PTN: variants seen among roughly 807,000 people sequenced by gnomAD.
PTN encodes pleiotrophin.
PTN carries 18 observed loss-of-function variants against 24.1 expected under a neutral mutation model. The ratio of observed to expected loss-of-function variants is 0.75; its 90% CI spans 0.52 to 1.11. PTN has a LOEUF of 1.11. Among genes scored for constraint, PTN ranks in the 50% least tolerant of loss-of-function variants. The pLI is 0.00. For synonymous variants in PTN, 78 were observed against 68.6 expected (o/e 1.14, Z -0.67); for missense variants, 163 against 198.8 (o/e 0.82, Z 1.08).
chr7:137,230,567 C>T (rs910932459), intron 4 of PTN, among the ~76,000 whole-genome samples: 5 of 151,622 alleles, frequency 3.3e-5, no homozygotes, highest in Non-Finnish European at 7.4e-5. Context: ...TTTTACATAA[C>T]AAAGTGTTCA....
At chr7:137,331,816 A>G (rs147458663) in intron 1 of PTN, among the ~76,000 whole-genome samples, 2 of 152,306 alleles carry the variant, frequency 1.3e-5, no homozygotes, top group Non-Finnish European at 2.9e-5. Flanking sequence ...CTTTAGGGCA[A>G]GAAAGAAAGA....
chr7:137,231,471 C>G (rs550475161), intron 4 of PTN, among the ~76,000 whole-genome samples: 1 of 151,988 alleles, frequency 6.6e-6, no homozygotes, highest in Non-Finnish European at 1.5e-5. Flanking sequence ...CACAGACACT[C>G]TCATTGTGCC....
intron 1 of PTN, among the ~76,000 whole-genome samples, chr7:137,342,446 T>C (rs1279080620): frequency 6.6e-6 from 1 of 152,118 alleles, no homozygotes; most frequent in Non-Finnish European, 1.5e-5. Context: ...TCTGAATGTG[T>C]CCCCAAACTT....
chr7:137,327,412 T>G (rs1172759972), intron 1 of PTN, among the ~76,000 whole-genome samples: 1 of 152,098 alleles, frequency 6.6e-6, no homozygotes, highest in Non-Finnish European at 1.5e-5. Context: ...GCCCCTCTGT[T>G]TTCTGTCTCT....
intron 4 of PTN, among the ~76,000 whole-genome samples, chr7:137,235,634 T>G (rs1434159848): frequency 1.3e-5 from 2 of 152,150 alleles, no homozygotes; most frequent in Admixed American, 1.3e-4. Context: ...CATTTCCTCT[T>G]TTATGGACTC....
rs544241611 is a variant in PTN at position 137,253,587 on chromosome 7, C to A, written c.166G>T (p.Val56Leu). The A allele has an allele frequency of 6.2e-7, 1 of 1,602,002 alleles. No individual in the cohort carries two copies. Residue 56 changes from valine (V) to leucine (L), a missense_variant, in exon 3 of 5, where the codon GTG becomes TTG. Coordinates refer to ENST00000348225, the MANE Select transcript of PTN (RefSeq NM_002825.7). ...AGCCCACAGTCTCCACTGGTGGGCA[C>A]ACACACACTCCACTGCCATTCTCCA... ...DCGEWQWSVC[V>L]PTSGDCGLGT...
intron 4 of PTN, among the ~76,000 whole-genome samples, chr7:137,229,929 G>T (rs2128866982): frequency 6.6e-6 from 1 of 151,788 alleles, no homozygotes; most frequent in Admixed American, 6.6e-5. Flanking sequence ...ATATTAGGAT[G>T]GTATCTTCAG....
chr7:137,306,064 C>G (rs966210457), intron 1 of PTN, among the ~76,000 whole-genome samples: 1 of 152,086 alleles, frequency 6.6e-6, no homozygotes, highest in Non-Finnish European at 1.5e-5. Context: ...AAAGTGGATT[C>G]AACTCATTTT....
intron 1 of PTN, among the ~76,000 whole-genome samples, chr7:137,286,976 C>T (rs1280826079): frequency 6.6e-6 from 1 of 152,186 alleles, no homozygotes; most frequent in Admixed American, 6.5e-5. Context: ...GATTGCATAA[C>T]TTACTCCCAA....
intron 1 of PTN, among the ~76,000 whole-genome samples, chr7:137,301,335 C>T (rs1164153199): frequency 9.9e-5 from 15 of 151,882 alleles, no homozygotes; most frequent in Non-Finnish European, 1.9e-4. Flanking sequence ...ACAGCGTAGG[C>T]TCCTCATAGC....
Position 137,251,218 on chromosome 7 carries a change from G to T in PTN, c.451+12C>A. ...AATCCATTAAAATTGTGGTATAATG[G>T]CAAGGACTTACCTTGAGGTTTGGGC... On this transcript the variant is annotated intron_variant, in intron 4 of 4. Coordinates refer to ENST00000348225, the MANE Select transcript of PTN (RefSeq NM_002825.7). 1 of 1,613,402 alleles carries T rather than the reference G, an allele frequency of 6.2e-7. No individual in the cohort carries two copies. The highest frequency in any genetic ancestry group is 8.5e-7 in the Non-Finnish European group (1 of 1,179,388).
chr7:137,282,531 TAGTC>T (rs985762860), intron 1 of PTN, among the ~76,000 whole-genome samples: 1 of 152,162 alleles, frequency 6.6e-6, no homozygotes, highest in African/African-American at 2.4e-5. Context: ...ACAGCCATGA[TAGTC>T]AGAGCAGCCA....
intron 1 of PTN, chr7:137,325,903 T>G (rs147857773): frequency 6.6e-6 from 1 of 152,178 alleles, no homozygotes; most frequent in Non-Finnish European, 1.5e-5. Context: ...TCCATGTGCA[T>G]GTGAAATGTC....
intron 1 of PTN, among the ~76,000 whole-genome samples, chr7:137,314,835 C>T (rs978826038): frequency 1.3e-5 from 2 of 151,992 alleles, no homozygotes; most frequent in Non-Finnish European, 2.9e-5. Flanking sequence ...CCTCATGATC[C>T]GCCCGCCTCG....
At chr7:137,259,277 G>A (rs112231401) in intron 1 of PTN, among the ~76,000 whole-genome samples, 1 of 152,046 alleles carries the variant, frequency 6.6e-6, no homozygotes, top group African/African-American at 2.4e-5. Context: ...TTTCAAGATG[G>A]TAATATCTAA....
chr7:137,339,943 A>T (rs1810508697), intron 1 of PTN, among the ~76,000 whole-genome samples: 1 of 152,246 alleles, frequency 6.6e-6, no homozygotes, highest in Admixed American at 6.5e-5. Flanking sequence ...CCCAATTATC[A>T]GTTACTATGA....
At chr7:137,236,090 G>A in intron 4 of PTN, 1 of 690,178 alleles carries the variant, frequency 1.4e-6, no homozygotes, top group Non-Finnish European at 2.6e-6. Context: ...CAACCATGCA[G>A]AACAAAATTA....
chr7:137,327,553 T>C (rs569670729), intron 1 of PTN, among the ~76,000 whole-genome samples: 60 of 152,156 alleles, frequency 3.9e-4, no homozygotes, highest in East Asian at 5.8e-4. Flanking sequence ...CCCAGAACTT[T>C]GGGATGTGAC....
intron 4 of PTN, among the ~76,000 whole-genome samples, chr7:137,244,822 T>C (rs572506932): frequency 6.6e-6 from 1 of 152,172 alleles, no homozygotes; most frequent in African/African-American, 2.4e-5. Flanking sequence ...CTTCTATACC[T>C]CAAGAAGTAA....
Sources: gnomAD v4.1 joint callset for allele counts (sites outside exome capture counted in the v4.1 genomes callset) on GRCh38, gnomAD v4.1.1 for gene constraint, MANE v1.5 for transcripts, NCBI Gene and HGNC (gene_info 2026-07-23, HGNC 2026-07-21) for gene names.